The following QTMAN variants were observed in gnomAD, a reference collection of about 807,000 sequenced individuals.
The protein encoded by QTMAN is queuosine-tRNA mannosyltransferase, also known as tRNA-queuosine alpha-mannosyltransferase.
chr2:143,969,454 G>A, the QTMAN span, among the ~76,000 whole-genome samples: 1 of 152,212 alleles, frequency 6.6e-6, no homozygotes, highest in Non-Finnish European at 1.5e-5. Context: ...GTCAAGCACT[G>A]CAATGGGCTT....
At chr2:144,026,729 T>G in the QTMAN span, among the ~76,000 whole-genome samples, 18 of 152,282 alleles carry the variant, frequency 1.2e-4, no homozygotes, top group East Asian at 5.8e-4. Flanking sequence ...CTGACATTAC[T>G]GGGTTGTGGG....
At chr2:144,020,961 C>A in the QTMAN span, among the ~76,000 whole-genome samples, 4 of 148,216 alleles carry the variant, frequency 2.7e-5, no homozygotes, top group Admixed American at 6.7e-5. Flanking sequence ...TGGAGAAAAT[C>A]TTGTAGAAAG....
At chr2:144,123,367 T>C in the QTMAN span, among the ~76,000 whole-genome samples, 1 of 152,172 alleles carries the variant, frequency 6.6e-6, no homozygotes, top group Admixed American at 6.6e-5. Context: ...CCTTTTTCAC[T>C]CTAAGGCATT....
At chr2:144,216,288 G>C in the QTMAN span, among the ~76,000 whole-genome samples, 5 of 152,108 alleles carry the variant, frequency 3.3e-5, no homozygotes, top group African/African-American at 9.7e-5. Context: ...TTGTTTCACT[G>C]TAGTCACACG....
chr2:144,234,753 C>T, the QTMAN span, among the ~76,000 whole-genome samples: 2 of 152,126 alleles, frequency 1.3e-5, no homozygotes, highest in Admixed American at 6.6e-5. Context: ...ATCTAATTTC[C>T]GGCAAAAGGA....
the QTMAN span, among the ~76,000 whole-genome samples, chr2:144,116,333 GGT>G: frequency 6.1e-5 from 9 of 146,858 alleles, no homozygotes; most frequent in Admixed American, 2.1e-4. Context: ...TTATGTGAGG[GGT>G]GTGTGTGTGT....
chr2:143,961,632 C>T, the QTMAN span, among the ~76,000 whole-genome samples: 1 of 152,094 alleles, frequency 6.6e-6, no homozygotes, highest in Non-Finnish European at 1.5e-5. Context: ...AGAACAATTT[C>T]TTGAGAGATG....
chr2:144,108,960 T>C, the QTMAN span, among the ~76,000 whole-genome samples: 3 of 152,234 alleles, frequency 2.0e-5, no homozygotes, highest in South Asian at 6.2e-4. Flanking sequence ...ATAGGAAGAA[T>C]CAACATCATG....
At chr2:144,118,709 G>A in the QTMAN span, among the ~76,000 whole-genome samples, 21 of 151,968 alleles carry the variant, frequency 1.4e-4, no homozygotes, top group Non-Finnish European at 2.1e-4. Flanking sequence ...TGGAAACCCC[G>A]TCTCTGCTAA....
At chr2:144,009,750 C>T in the QTMAN span, among the ~76,000 whole-genome samples, 1 of 151,818 alleles carries the variant, frequency 6.6e-6, no homozygotes, top group African/African-American at 2.4e-5. Context: ...TGCATAGGCC[C>T]CAAATTATGG....
chr2:144,131,384 T>C, the QTMAN span, among the ~76,000 whole-genome samples: 1 of 151,882 alleles, frequency 6.6e-6, no homozygotes. Context: ...ATTTGTGTGC[T>C]TCCTCCTTTT....
At chr2:144,133,676 G>A in the QTMAN span, among the ~76,000 whole-genome samples, 1 of 146,570 alleles carries the variant, frequency 6.8e-6, no homozygotes, top group Non-Finnish European at 1.5e-5. Context: ...CAGCATGAAA[G>A]ATTTATATTA....
chr2:144,130,058 T>C, the QTMAN span, among the ~76,000 whole-genome samples: 1 of 151,314 alleles, frequency 6.6e-6, no homozygotes, highest in South Asian at 2.1e-4. Flanking sequence ...AGTTAATTTT[T>C]TGAATCTCAT....
the QTMAN span, among the ~76,000 whole-genome samples, chr2:143,972,442 G>GT: frequency 4.8e-4 from 71 of 148,668 alleles, no homozygotes; most frequent in Middle Eastern, 3.5e-3. Context: ...ATATGGCTGG[G>GT]TTTTTTTTTT....
the QTMAN span, among the ~76,000 whole-genome samples, chr2:144,314,999 CCTCAGCTTCCCAA>C: frequency 6.5e-4 from 99 of 152,224 alleles, no homozygotes; most frequent in African/African-American, 2.3e-3. Context: ...GATCCTTGTG[CCTCAGCTTCCCAA>C]GTAGCTGGAA....
chr2:143,960,961 C>T, the QTMAN span, among the ~76,000 whole-genome samples: 5 of 152,134 alleles, frequency 3.3e-5, no homozygotes, highest in African/African-American at 1.2e-4. Flanking sequence ...GCTGAGAAAT[C>T]TCCAAGGTCC....
chr2:144,109,455 C>T, the QTMAN span, among the ~76,000 whole-genome samples: 1 of 152,012 alleles, frequency 6.6e-6, no homozygotes, highest in Non-Finnish European at 1.5e-5. Flanking sequence ...AGAAGAAAAC[C>T]TAGGCAATAC....
At chr2:144,182,861 A>AAT in the QTMAN span, among the ~76,000 whole-genome samples, 616 of 66,744 alleles carry the variant, frequency 9.2e-3, 8 homozygotes, top group Non-Finnish European at 0.011. Flanking sequence ...TTTTATATAT[A>AAT]ATATATATAT....
the QTMAN span, among the ~76,000 whole-genome samples, chr2:144,182,895 T>C: frequency 2.2e-3 from 202 of 90,988 alleles, 1 homozygote; most frequent in African/African-American, 8.7e-3. Context: ...TTTATATATA[T>C]ATATATTATA....
Sources: gnomAD v4.1 joint callset for allele counts (sites outside exome capture counted in the v4.1 genomes callset) on GRCh38, gnomAD v4.1.1 for gene constraint, MANE v1.5 for transcripts, NCBI Gene and HGNC (gene_info 2026-07-23, HGNC 2026-07-21) for gene names.